The following SAXO1 variants were observed in gnomAD, a reference collection of about 807,000 sequenced individuals.
SAXO1 encodes stabilizer of axonemal microtubules 1.
In SAXO1, 21 loss-of-function variants were observed where a neutral mutation model predicts 17.5. The observed-to-expected ratio is 1.20, with a 90% CI of 0.85 to 1.72. The LOEUF is 1.72. SAXO1 is among the 40% of genes most tolerant of loss of function. The probability of loss-of-function intolerance (pLI) is 0.00; values close to 1 mark genes in which losing one functional copy is unlikely to be tolerated. For synonymous variants in SAXO1, 274 were observed against 216.5 expected (o/e 1.27, Z -2.33); for missense variants, 843 against 596.0 (o/e 1.41, Z -4.32).
chr9:18,988,601 G>A (rs551574309), intron 1 of SAXO1, among the ~76,000 whole-genome samples: 9 of 152,252 alleles, frequency 5.9e-5, no homozygotes, highest in Admixed American at 4.6e-4. Flanking sequence ...TTTATACGTT[G>A]AATGTATATT....
chr9:18,952,450 C>T lies in SAXO1; in HGVS notation c.39-1513G>A, dbSNP rs111247686. Among the ~76,000 whole-genome samples the T allele has an allele frequency of 2.6e-3, 401 of 152,298 alleles. 1 individual carries two copies. The highest frequency in any genetic ancestry group is 9.1e-3 in the African/African-American group (380 of 41,556). On this transcript the variant is annotated intron_variant, in intron 1 of 3. Coordinates refer to ENST00000380534, the MANE Select transcript of SAXO1 (RefSeq NM_153707.4). ...ATGCTGCTCCTGCTAGTAAGTTCAA[C>T]CTTTTATATAAATATTACTGCCACC...
intron 1 of SAXO1, among the ~76,000 whole-genome samples, chr9:19,013,705 C>T (rs1226325353): frequency 2.6e-5 from 4 of 151,934 alleles, no homozygotes; most frequent in African/African-American, 9.7e-5. Flanking sequence ...CATCACCATG[C>T]CTGGCTAATT....
At chr9:18,941,309 G>A (rs1407385583) in intron 3 of SAXO1, among the ~76,000 whole-genome samples, 1 of 66,948 alleles carries the variant, frequency 1.5e-5, no homozygotes, top group Non-Finnish European at 3.0e-5. Flanking sequence ...TTGCTACTAT[G>A]CTAAAAAAAA....
chr9:19,029,276 G>T (rs905770975), intron 1 of SAXO1, among the ~76,000 whole-genome samples: 2 of 152,090 alleles, frequency 1.3e-5, no homozygotes, highest in Non-Finnish European at 2.9e-5. Context: ...AGAGAAGGGG[G>T]AATAAATGTG....
intron 3 of SAXO1, among the ~76,000 whole-genome samples, chr9:18,940,429 G>A (rs1176097385): frequency 6.6e-6 from 1 of 152,218 alleles, no homozygotes; most frequent in Non-Finnish European, 1.5e-5. Flanking sequence ...CGCCAATCCA[G>A]TCTTCAGTTC....
At position 19,012,087 on chromosome 9, in the gene SAXO1, G is replaced by A. The variant is rs138337433; in HGVS notation, c.38+20784C>T. Among the ~76,000 whole-genome samples, 1,281 of 151,726 alleles carry A rather than the reference G, an allele frequency of 8.4e-3. 19 individuals carry two copies. The highest frequency in any genetic ancestry group is 0.029 in the African/African-American group (1,216 of 41,368). On this transcript the variant is annotated intron_variant, in intron 1 of 3. Coordinates refer to ENST00000380534, the MANE Select transcript of SAXO1 (RefSeq NM_153707.4). ...TCTCGATCTCTTGACCTCATGATCC[G>A]CCCACCTTGGCCTCCCAAAGTGCTG...
chr9:18,991,914 G>T (rs1280333561), intron 1 of SAXO1, among the ~76,000 whole-genome samples: 1 of 152,054 alleles, frequency 6.6e-6, no homozygotes, highest in South Asian at 2.1e-4. Flanking sequence ...TTGAAGAGGC[G>T]TCTGTAAAAA....
chr9:18,953,750 T>C (rs764576817), intron 1 of SAXO1, among the ~76,000 whole-genome samples: 3 of 152,158 alleles, frequency 2.0e-5, no homozygotes, highest in Non-Finnish European at 4.4e-5. Flanking sequence ...CTTTTTGTTT[T>C]GGAAGCTAGC....
chr9:18,953,064 C>G (rs190257445), intron 1 of SAXO1, among the ~76,000 whole-genome samples: 1 of 152,184 alleles, frequency 6.6e-6, no homozygotes, highest in African/African-American at 2.4e-5. Context: ...TCAATTTAAG[C>G]CAACTAGTAC....
At chr9:18,991,054 T>G (rs946965752) in intron 1 of SAXO1, among the ~76,000 whole-genome samples, 35 of 152,048 alleles carry the variant, frequency 2.3e-4, no homozygotes, top group Non-Finnish European at 1.0e-4. Context: ...GGTCAGGAGT[T>G]CAAGACCAGC....
intron 2 of SAXO1, among the ~76,000 whole-genome samples, chr9:18,943,798 C>A (rs1396085449): frequency 2.6e-5 from 4 of 152,226 alleles, no homozygotes. Context: ...GGCGCCTGAG[C>A]TGCCGTGCTG....
intron 1 of SAXO1, among the ~76,000 whole-genome samples, chr9:18,960,915 A>G (rs1832457433): frequency 6.6e-6 from 1 of 152,170 alleles, no homozygotes; most frequent in Admixed American, 6.5e-5. Flanking sequence ...AGAGTGAGAG[A>G]AGAGAGTGAG....
chr9:18,945,959 T>C (rs1343321003), intron 2 of SAXO1, among the ~76,000 whole-genome samples: 2 of 152,056 alleles, frequency 1.3e-5, no homozygotes, highest in Admixed American at 6.5e-5. Context: ...ATCTTTTAGG[T>C]AATCACCTTT....
intron 3 of SAXO1, among the ~76,000 whole-genome samples, chr9:18,937,345 C>CA (rs1373961151): frequency 6.6e-6 from 1 of 152,136 alleles, no homozygotes; most frequent in Non-Finnish European, 1.5e-5. Flanking sequence ...CCCTTGTAAA[C>CA]AATGGTTCAG....
chr9:18,964,034 G>T (rs191952321), intron 1 of SAXO1, among the ~76,000 whole-genome samples: 6 of 152,232 alleles, frequency 3.9e-5, no homozygotes, highest in African/African-American at 1.2e-4. Flanking sequence ...ATAATCATGT[G>T]GTTTTTGTCA....
intron 1 of SAXO1, among the ~76,000 whole-genome samples, chr9:18,975,347 C>G (rs1026455490): frequency 6.6e-6 from 1 of 152,138 alleles, no homozygotes; most frequent in African/African-American, 2.4e-5. Context: ...AGACCTTGCC[C>G]TCTTAGGGAC....
chr9:18,999,443 A>G (rs1305189178), intron 1 of SAXO1, among the ~76,000 whole-genome samples: 12 of 129,226 alleles, frequency 9.3e-5, no homozygotes, highest in Middle Eastern at 5.0e-3. Context: ...GAGCGCCTCC[A>G]CCCGGCTGCC....
At position 19,032,982 on chromosome 9, in the gene SAXO1, T is replaced by C. The variant is rs113061023; in HGVS notation, c.-74A>G. The C allele has an allele frequency of 1.5e-5, 22 of 1,475,084 alleles. 1 individual carries two copies. Among genetic ancestry groups the C allele is most frequent in the African/African-American group, 1.3e-4 (9 of 71,820 alleles). The allele number at this position is 1,475,084 out of a possible 1,614,324, so 91.4% of individuals were successfully genotyped here. A position where few individuals can be genotyped will look rare whatever the true frequency, so the allele number is the denominator to read the frequency against. On this transcript the variant is annotated 5_prime_UTR_variant, in exon 1 of 4. Transcript: ENST00000380534. ...AGCCGACTCCTAGACCCCAACCACC[T>C]GTCTTGGGGCACGCCCAGGCTCGAG... is the stretch of plus-strand genomic sequence containing the variant.
chr9:19,040,612 C>A (rs976911413), intron 1 of SAXO1, among the ~76,000 whole-genome samples: 1 of 151,712 alleles, frequency 6.6e-6, no homozygotes, highest in Non-Finnish European at 1.5e-5. Flanking sequence ...CCACTGCATT[C>A]CAGCCTGGGC....
Sources: gnomAD v4.1 joint callset for allele counts (sites outside exome capture counted in the v4.1 genomes callset) on GRCh38, gnomAD v4.1.1 for gene constraint, MANE v1.5 for transcripts, NCBI Gene and HGNC (gene_info 2026-07-23, HGNC 2026-07-21) for gene names.